The following MYH11 variants were observed in gnomAD, a reference collection of about 807,000 sequenced individuals.
MYH11 encodes myosin heavy chain 11, also known as myosin-11.
In MYH11, 80 loss-of-function variants were observed where a neutral mutation model predicts 246.6. That is an observed-to-expected ratio of 0.32 (90% CI 0.27 to 0.39). The LOEUF (loss-of-function observed/expected upper bound fraction) is 0.39. Among genes scored for constraint, MYH11 ranks in the 10% least tolerant of loss-of-function variants. The pLI, the probability that MYH11 is intolerant of heterozygous loss-of-function variation, is 1.00. For missense variants in MYH11, 2,158 were observed against 2,546.8 expected, an observed-to-expected ratio of 0.85 and a Z score of 3.29; for synonymous variants, 1,071 against 1,015.5, an observed-to-expected ratio of 1.05 and a Z score of -1.04.
intron 7 of MYH11, among the ~76,000 whole-genome samples, chr16:15,777,154 G>T (rs1035371692): frequency 6.6e-6 from 1 of 151,402 alleles, no homozygotes; most frequent in African/African-American, 2.4e-5. Flanking sequence ...CCAGAGTCTC[G>T]CTCTGTCACC....
Position 15,807,971 on chromosome 16 carries a change from G to A in MYH11, c.503-9284C>T, listed in dbSNP as rs149318493. ...TGACCATAAAAGGAGAAAACCCAGCGGGGACTGAGCACAGACCCAGGCTCC... is the reference window on the plus strand; with the variant it reads ...TGACCATAAAAGGAGAAAACCCAGCAGGGACTGAGCACAGACCCAGGCTCC... On this transcript the variant is annotated intron_variant, in intron 3 of 40. Transcript: ENST00000300036. 3.3e-5 allele frequency among the ~76,000 whole-genome samples: 5 copies of A among 152,188 alleles called. No homozygotes were observed. The South Asian group carries it at 6.2e-4, about 19-fold the overall frequency.
chr16:15,721,281 C>T (rs1040416249), intron 32 of MYH11, 141 bp downstream of exon 32: 3 of 1,074,962 alleles, frequency 2.8e-6, no homozygotes, highest in Non-Finnish European at 4.2e-6. Context: ...CCAGCCCCTG[C>T]ACCAGTCCAA....
At chr16:15,823,566 G>T (rs1158941549) in intron 2 of MYH11, among the ~76,000 whole-genome samples, 155 bp from the exon 3 acceptor site, 1 of 152,188 alleles carries the variant, frequency 6.6e-6, no homozygotes, top group Non-Finnish European at 1.5e-5. Flanking sequence ...TACGTGGGAA[G>T]AGGAGAAAGG....
intron 3 of MYH11, among the ~76,000 whole-genome samples, chr16:15,811,101 G>A (rs1431270777): frequency 6.6e-6 from 1 of 152,140 alleles, no homozygotes; most frequent in Non-Finnish European, 1.5e-5. Flanking sequence ...CATTGGGGGA[G>A]AGACCCAGAG....
intron 2 of MYH11, among the ~76,000 whole-genome samples, chr16:15,831,140 C>T (rs929138305): frequency 5.3e-5 from 8 of 152,020 alleles, no homozygotes; most frequent in African/African-American, 1.9e-4. Context: ...CCACTTCACT[C>T]CAGTCTGGGT....
At chr16:15,708,416 T>C (rs1479780255) in intron 40 of MYH11, among the ~76,000 whole-genome samples, 1 of 152,204 alleles carries the variant, frequency 6.6e-6, no homozygotes, top group Non-Finnish European at 1.5e-5. Flanking sequence ...GTGCAGTGTC[T>C]TCACTGGACA....
chr16:15,838,889 G>C (rs957877841), intron 1 of MYH11, among the ~76,000 whole-genome samples: 1 of 149,126 alleles, frequency 6.7e-6, no homozygotes, highest in Admixed American at 6.8e-5. Flanking sequence ...GAAGAAGCCG[G>C]AAGTAAGTGT....
At chr16:15,718,761 C>T (rs549978479) in intron 36 of MYH11, 19 of 462,722 alleles carry the variant, frequency 4.1e-5, no homozygotes, top group African/African-American at 2.5e-4. Context: ...GGCATGAAAG[C>T]GCTGACGGAA....
intron 40 of MYH11, chr16:15,711,334 C>T (rs2039781109): frequency 6.6e-6 from 1 of 152,140 alleles, no homozygotes. Flanking sequence ...ATTATGATGT[C>T]AGAGAGAGTC....
chr16:15,729,251 G>C lies in MYH11; in HGVS notation c.3652-2197C>G, dbSNP rs141284139. Among the ~76,000 whole-genome samples, 620 of 152,228 alleles carry C rather than the reference G, an allele frequency of 4.1e-3. 12 individuals are homozygous for C. The highest frequency in any genetic ancestry group is 0.026 in the South Asian group (126 of 4,822). ...GAGGGCCTGGGGAGCCCAGGTAGGA[G>C]CTGATGTTAAACGTTTCCCCCACAA... On this transcript the variant is annotated intron_variant, in intron 27 of 40. Transcript: ENST00000300036.
rs112650390 is a variant in MYH11 at position 15,838,241 on chromosome 16, C to T, written c.12G>A (p.Lys4=). 8.2e-4 allele frequency: 1,323 copies of T among 1,614,132 alleles called. 1 individual carries two copies. The highest frequency in any genetic ancestry group is 9.4e-4 in the Non-Finnish European group (1,110 of 1,180,032). The part of the protein sequence containing the change: MAQ[K]GQLSDDEKFL... Reference sequence around the variant, plus strand: ...ACTTCTCATCGTCACTGAGTTGGCCCTTCTGCGCCATGGTGCCTTGTTGGT... The same window carrying T: ...ACTTCTCATCGTCACTGAGTTGGCCTTTCTGCGCCATGGTGCCTTGTTGGT... Residue 4 remains lysine, a synonymous_variant, in exon 2 of 41, where the codon AAG becomes AAA. Transcript: ENST00000300036.
At position 15,847,290 on chromosome 16, in the gene MYH11, G is replaced by A. The variant is rs186093772; in HGVS notation, c.-17-9021C>T. Among the ~76,000 whole-genome samples the A allele has an allele frequency of 1.1e-4, 15 of 134,280 alleles. 1 individual carries two copies. In the South Asian group the frequency reaches 1.2e-3, roughly 11 times the overall value. 88.1% of individuals were successfully genotyped at this position (134,280 alleles called of 152,430 possible). ...TTCTGAGACAGGGTCTTGCTCTGTC[G>A]CCCAGGCTGGAGTGCAGTGGCATGA... On this transcript the variant is annotated intron_variant, in intron 1 of 40. Transcript: ENST00000300036.
rs997463964 is a variant in MYH11 at position 15,762,815 on chromosome 16, C to T, written c.1129+981G>A. The stretch of plus-strand genomic sequence containing the variant: ...ATTCCCCTGTCTTGATTAATTGGCT[C>T]TGTCTAGGCTGTGGGCAAGGTAAAC... On this transcript the variant is annotated intron_variant, in intron 10 of 40. Transcript: ENST00000300036. 2.0e-5 allele frequency among the ~76,000 whole-genome samples: 3 copies of T among 152,282 alleles called. No homozygotes were observed. In the South Asian group the frequency reaches 6.2e-4, roughly 32 times the overall value.
intron 10 of MYH11, 55 bp downstream of exon 10, chr16:15,763,741 T>TCCGGG: frequency 3.1e-6 from 2 of 646,862 alleles, no homozygotes; most frequent in Non-Finnish European, 5.8e-6. Flanking sequence ...AAATGTCACC[T>TCCGGG]CCCCCACCCC....
chr16:15,805,141 C>T (rs184695723), intron 3 of MYH11, among the ~76,000 whole-genome samples: 37 of 152,268 alleles, frequency 2.4e-4, no homozygotes, highest in African/African-American at 8.9e-4. Context: ...GCAGGATGGC[C>T]ATGGACCGTG....
intron 9 of MYH11, among the ~76,000 whole-genome samples, chr16:15,767,057 T>C (rs1211759342): frequency 2.0e-5 from 3 of 151,924 alleles, no homozygotes; most frequent in Non-Finnish European, 2.9e-5. Context: ...GGGAGGGAGA[T>C]GGATGGATGG....
intron 9 of MYH11, among the ~76,000 whole-genome samples, chr16:15,767,481 A>G (rs2042008682): frequency 6.6e-6 from 1 of 151,950 alleles, no homozygotes; most frequent in Non-Finnish European, 1.5e-5. Context: ...GGGGGGTTAC[A>G]TTTATTTTTT....
At chr16:15,795,602 A>T (rs1334310464) in intron 4 of MYH11, among the ~76,000 whole-genome samples, 2 of 152,176 alleles carry the variant, frequency 1.3e-5, no homozygotes, top group African/African-American at 4.8e-5. Context: ...TGAGAGCAAA[A>T]CTCCATCTCA....
intron 1 of MYH11, among the ~76,000 whole-genome samples, chr16:15,848,056 A>G (rs1484899077): frequency 6.6e-6 from 1 of 152,106 alleles, no homozygotes; most frequent in Non-Finnish European, 1.5e-5. Flanking sequence ...GCAGATCCGG[A>G]AACCTGAAAG....
Sources: gnomAD v4.1 joint callset for allele counts (sites outside exome capture counted in the v4.1 genomes callset) on GRCh38, gnomAD v4.1.1 for gene constraint, MANE v1.5 for transcripts, NCBI Gene and HGNC (gene_info 2026-07-23, HGNC 2026-07-21) for gene names.